Variants in NXPE2 observed in about 807,000 individuals in gnomAD.
NXPE2 encodes NXPE family member 2.
NXPE2 carries 34 observed loss-of-function variants against 34.4 expected under a neutral mutation model. That is an observed-to-expected ratio of 0.99 (90% CI 0.75 to 1.31). The LOEUF is 1.31. Among genes scored for constraint, NXPE2 ranks in the 40% most tolerant of loss-of-function variants. NXPE2 has a pLI of 0.00. For missense variants in NXPE2, 649 were observed against 672.5 expected (o/e 0.97, Z 0.39); for synonymous variants, 235 against 231.3 (o/e 1.02, Z -0.15).
At chr11:114,566,570 TG>T in the NXPE2 span, among the ~76,000 whole-genome samples, 1 of 152,072 alleles carries the variant, frequency 6.6e-6, no homozygotes, top group African/African-American at 2.4e-5. Context: ...TAAACCCAAC[TG>T]GAATGTGTTG....
At chr11:114,577,744 C>CT in the NXPE2 span, among the ~76,000 whole-genome samples, 1 of 152,014 alleles carries the variant, frequency 6.6e-6, no homozygotes, top group African/African-American at 2.4e-5. Flanking sequence ...TCATTTGAGG[C>CT]TAGAGGAAGG....
the NXPE2 span, chr11:114,581,658 T>C: frequency 1.6e-6 from 2 of 1,287,456 alleles, no homozygotes; most frequent in Non-Finnish European, 2.2e-6. Context: ...ACAAATCCAG[T>C]AGAAAGAAGA....
the NXPE2 span, among the ~76,000 whole-genome samples, chr11:114,798,623 C>T: frequency 3.3e-5 from 5 of 152,336 alleles, no homozygotes; most frequent in East Asian, 9.7e-4. Flanking sequence ...ACCTCGTGAT[C>T]CTCCCGCCTT....
the NXPE2 span, among the ~76,000 whole-genome samples, chr11:114,639,680 A>G: frequency 2.5e-3 from 352 of 141,442 alleles, 3 homozygotes; most frequent in Admixed American, 4.5e-3. Context: ...TATATGTAAT[A>G]TATTGTATCT....
the NXPE2 span, among the ~76,000 whole-genome samples, chr11:114,576,465 C>T: frequency 6.6e-5 from 10 of 151,710 alleles, no homozygotes; most frequent in East Asian, 1.9e-4. Flanking sequence ...ACAAAGGGCT[C>T]ATATCCAGAA....
the NXPE2 span, among the ~76,000 whole-genome samples, chr11:114,744,718 G>A: frequency 2.0e-5 from 3 of 152,152 alleles, no homozygotes; most frequent in Admixed American, 2.0e-4. Context: ...CCTAAGGTGG[G>A]AAGATCTCTT....
chr11:114,736,745 A>G, the NXPE2 span, among the ~76,000 whole-genome samples: 1 of 152,196 alleles, frequency 6.6e-6, no homozygotes, highest in Non-Finnish European at 1.5e-5. Context: ...TGTCCATGAA[A>G]TCTTCACAAT....
the NXPE2 span, among the ~76,000 whole-genome samples, chr11:114,576,957 A>G: frequency 6.8e-6 from 1 of 146,880 alleles, no homozygotes; most frequent in Non-Finnish European, 1.5e-5. Flanking sequence ...TTAATCAATG[A>G]GTGGATAAAG....
In NXPE2 at chr11:114,703,977, C is replaced by T. The variant is rs755701526; in HGVS notation, c.867-14C>T. ...GGCAGATATTAAGCTAATTTATTTT[C>T]CCATTTCTTGCAGGTCCAACATAGG... On this transcript the variant is annotated splice_polypyrimidine_tract_variant and intron_variant, in intron 3 of 5. Transcript: ENST00000389586. 3.9e-6 allele frequency: 6 copies of T among 1,544,148 alleles called. No individual in the cohort carries two copies. Among genetic ancestry groups the T allele is most frequent in the Admixed American group, 3.9e-5 (2 of 50,954 alleles).
At chr11:114,812,556 T>C in the NXPE2 span, among the ~76,000 whole-genome samples, 2 of 152,172 alleles carry the variant, frequency 1.3e-5, no homozygotes. Flanking sequence ...TAAGGTACCA[T>C]GCTCTGTTGG....
Position 114,706,634 on chromosome 11 carries a change from T to G in NXPE2, c.1384T>G (p.Phe462Val). Residue 462 changes from phenylalanine to valine, a missense_variant, in exon 6 of 6, where the codon TTC (phenylalanine) becomes GTC (valine). Phe to Val is a conservative substitution (Grantham distance 50). Transcript: ENST00000389586. Reference protein sequence around the residue: ...QHFRPFPINIFIRRAINIQKA... With the variant: ...QHFRPFPINIVIRRAINIQKA... ...CTTCAGACCCTTTCCCATCAACATTTTCATCCGTAGGGCCATCAATATTCA... is the reference window on the plus strand; with the variant it reads ...CTTCAGACCCTTTCCCATCAACATTGTCATCCGTAGGGCCATCAATATTCA... 2 of 1,551,924 alleles carry G rather than the reference T, an allele frequency of 1.3e-6. No individual in the cohort carries two copies. The highest frequency in any genetic ancestry group is 1.7e-6 in the Non-Finnish European group (2 of 1,147,000).
intron 3 of NXPE2, among the ~76,000 whole-genome samples, chr11:114,703,049 G>A (rs1164653060): frequency 6.6e-6 from 1 of 152,116 alleles, no homozygotes; most frequent in Non-Finnish European, 1.5e-5. Flanking sequence ...ACCTTGAGAC[G>A]AAGCTCACTG....
At chr11:114,596,279 G>T in the NXPE2 span, among the ~76,000 whole-genome samples, 1 of 152,176 alleles carries the variant, frequency 6.6e-6, no homozygotes, top group Non-Finnish European at 1.5e-5. Flanking sequence ...TCATGGGTTT[G>T]AATCCATCTG....
At chr11:114,701,416 G>T (rs1207853320) in intron 3 of NXPE2, among the ~76,000 whole-genome samples, 2 of 152,082 alleles carry the variant, frequency 1.3e-5, no homozygotes, top group Non-Finnish European at 2.9e-5. Context: ...CATACTTTGG[G>T]TCCTAATCAG....
the NXPE2 span, among the ~76,000 whole-genome samples, chr11:114,523,348 C>T: frequency 8.5e-5 from 13 of 152,166 alleles, no homozygotes; most frequent in Admixed American, 2.0e-4. Context: ...TAAATCTTGA[C>T]GTTCTATCCT....
the NXPE2 span, chr11:114,528,926 A>G: frequency 3.9e-6 from 2 of 507,632 alleles, no homozygotes; most frequent in Non-Finnish European, 3.6e-6. Flanking sequence ...GAGATGTACC[A>G]TCAGAGATAA....
At chr11:114,492,232 T>G in the NXPE2 span, among the ~76,000 whole-genome samples, 1 of 152,172 alleles carries the variant, frequency 6.6e-6, no homozygotes, top group East Asian at 1.9e-4. Flanking sequence ...GTTTGAATTT[T>G]ATTTCTGCTC....
the NXPE2 span, among the ~76,000 whole-genome samples, chr11:114,539,008 A>G: frequency 9.3e-6 from 1 of 107,490 alleles, no homozygotes; most frequent in South Asian, 3.5e-4. Context: ...GGCACTATTC[A>G]CAATAGCAAA....
chr11:114,504,800 A>G, the NXPE2 span, among the ~76,000 whole-genome samples: 1 of 152,224 alleles, frequency 6.6e-6, no homozygotes, highest in Non-Finnish European at 1.5e-5. Flanking sequence ...AGGAATGCTG[A>G]AAACTCAACA....
Sources: allele counts gnomAD v4.1 joint callset (sites outside exome capture counted in the v4.1 genomes callset), GRCh38; gene constraint gnomAD v4.1.1; transcripts MANE v1.5; gene names NCBI Gene and HGNC (gene_info 2026-07-23, HGNC 2026-07-21).